Variants in ECHDC1 observed in about 807,000 individuals in gnomAD.
ECHDC1 encodes ethylmalonyl-CoA decarboxylase 1.
Under a neutral mutation model 29.7 loss-of-function variants are expected in ECHDC1, and 29 were observed. The ratio of observed to expected loss-of-function variants is 0.98; its 90% CI spans 0.73 to 1.33. The LOEUF is 1.33. Ranked by LOEUF, ECHDC1 falls within the 40% of genes most tolerant of loss-of-function variation. ECHDC1 has a pLI of 0.00. For synonymous variants in ECHDC1, 126 were observed against 123.1 expected, an observed-to-expected ratio of 1.02 and a Z score of -0.15; for missense variants, 328 against 350.0, an observed-to-expected ratio of 0.94 and a Z score of 0.50.
At chr6:127,334,362 T>G (rs1488817432) in intron 1 of ECHDC1, among the ~76,000 whole-genome samples, 1 of 152,164 alleles carries the variant, frequency 6.6e-6, no homozygotes, top group Non-Finnish European at 1.5e-5. Flanking sequence ...GAGGTCCGTA[T>G]GCAATGGCCC....
intron 3 of ECHDC1, chr6:127,326,710 C>T: frequency 2.7e-6 from 1 of 372,284 alleles, no homozygotes; most frequent in South Asian, 3.2e-5. Context: ...GAGAATCCCA[C>T]CCTCCAAAAT....
chr6:127,314,909 GAAA>G lies in ECHDC1; in HGVS notation c.417-16_417-14del. ...TATTAAAGGAAGTCTGTATATTGAA[GAAA>G]AAACTGATGTTACTATTTTTAATTT... On this transcript the variant is annotated splice_polypyrimidine_tract_variant and intron_variant, in intron 4 of 5. Transcript: ENST00000454859. 6 of 1,603,644 alleles carry G rather than the reference GAAA, an allele frequency of 3.7e-6. No individual in the cohort carries two copies. The highest frequency in any genetic ancestry group is 4.3e-6 in the Non-Finnish European group (5 of 1,172,688).
intron 5 of ECHDC1, among the ~76,000 whole-genome samples, chr6:127,311,941 A>G (rs984217456): frequency 9.9e-5 from 15 of 151,958 alleles, no homozygotes; most frequent in Non-Finnish European, 1.6e-4. Flanking sequence ...ATTGAAAGGT[A>G]TATGGGAGTT....
intron 1 of ECHDC1, 117 bp from the exon 2 acceptor site, chr6:127,331,147 ATTTC>A (rs1253129248): frequency 1.2e-5 from 8 of 676,100 alleles, no homozygotes; most frequent in Non-Finnish European, 1.1e-5. Flanking sequence ...ATACTTCCCC[ATTTC>A]TTTTTTTTTT....
chr6:127,298,153 T>C (rs1043230398), intron 5 of ECHDC1, among the ~76,000 whole-genome samples: 21 of 152,204 alleles, frequency 1.4e-4, no homozygotes, highest in African/African-American at 5.1e-4. Context: ...TGTTAAAAAT[T>C]GTTGGACCTG....
rs1472061142 is a variant in ECHDC1, at chr6:127,330,864, G to T, written c.165C>A (p.Asp55Glu). 6.2e-7 allele frequency: 1 copy of T among 1,614,110 alleles called. No individual in the cohort carries two copies. ...PGGSIDLQKE[D>E]NGIGILTLNN... ...TCAGAGTAAGAATGCCAATGCCATT[G>T]TCTTCCTTCTGAAGGTCAATGGATC... Residue 55 changes from aspartate (D) to glutamate (E), a missense_variant, in exon 2 of 6, where the codon GAC becomes GAA. Coordinates refer to ENST00000454859, the MANE Select transcript of ECHDC1 (RefSeq NM_001002030.2).
intron 5 of ECHDC1, among the ~76,000 whole-genome samples, chr6:127,314,265 T>C (rs559460983): frequency 9.1e-4 from 139 of 152,274 alleles, no homozygotes; most frequent in African/African-American, 3.2e-3. Flanking sequence ...CTATATAATA[T>C]AGCTATCAAA....
chr6:127,329,290 A>G (rs2114675594), intron 2 of ECHDC1, among the ~76,000 whole-genome samples: 1 of 152,286 alleles, frequency 6.6e-6, no homozygotes, highest in Non-Finnish European at 1.5e-5. Context: ...TTGAGTGCTC[A>G]TTCATCCTCT....
chr6:127,330,775 T>C (rs1380463062), intron 2 of ECHDC1, 34 bp downstream of exon 2: 5 of 1,565,074 alleles, frequency 3.2e-6, no homozygotes, highest in Non-Finnish European at 3.5e-6. Context: ...TTAGATTTAG[T>C]GTCATTCTTT....
rs966181360 is a variant in ECHDC1 at position 127,330,862 on chromosome 6, T to C, written c.167A>G (p.Asn56Ser). Residue 56 changes from asparagine (N) to serine (S), a missense_variant, in exon 2 of 6, where the codon AAT (asparagine) becomes AGT (serine). Asn to Ser is a conservative substitution (Grantham distance 46, BLOSUM62 1). Transcript: ENST00000454859. ...GGSIDLQKED[N>S]GIGILTLNNP... is the part of the protein sequence containing the mutation. The stretch of plus-strand genomic sequence containing the variant: ...GTTCAGAGTAAGAATGCCAATGCCA[T>C]TGTCTTCCTTCTGAAGGTCAATGGA... 8 of 1,614,144 alleles carry C rather than the reference T, an allele frequency of 5.0e-6. No homozygotes were observed. The East Asian group carries it at 1.1e-4, about 22-fold the overall frequency.
intron 3 of ECHDC1, among the ~76,000 whole-genome samples, chr6:127,325,096 C>T (rs554512990): frequency 6.6e-6 from 1 of 152,264 alleles, no homozygotes; most frequent in Non-Finnish European, 1.5e-5. Context: ...GATAAGTCAC[C>T]TTGACAGCAT....
At chr6:127,306,014 TAAAA>T (rs773854477) in intron 5 of ECHDC1, among the ~76,000 whole-genome samples, 2 of 124,368 alleles carry the variant, frequency 1.6e-5, no homozygotes, top group Non-Finnish European at 1.7e-5. Context: ...GTTGATAGAT[TAAAA>T]AAAAAAAAAA....
chr6:127,340,160 G>T (rs1784802381), intron 1 of ECHDC1, among the ~76,000 whole-genome samples: 1 of 152,176 alleles, frequency 6.6e-6, no homozygotes, highest in Non-Finnish European at 1.5e-5. Flanking sequence ...TCGTATAAGG[G>T]TCTAGTTAGT....
At chr6:127,334,999 G>C (rs1784308568) in intron 1 of ECHDC1, among the ~76,000 whole-genome samples, 1 of 151,840 alleles carries the variant, frequency 6.6e-6, no homozygotes, top group South Asian at 2.1e-4. Context: ...TTACTTAATA[G>C]TTAATGAGGG....
intron 3 of ECHDC1, among the ~76,000 whole-genome samples, chr6:127,319,769 C>T (rs936453342): frequency 2.0e-5 from 3 of 152,176 alleles, no homozygotes; most frequent in Non-Finnish European, 4.4e-5. Flanking sequence ...TTCATGCTAT[C>T]TGGATGATAC....
chr6:127,311,531 C>G (rs2114607632), intron 5 of ECHDC1, among the ~76,000 whole-genome samples: 1 of 151,526 alleles, frequency 6.6e-6, no homozygotes, highest in African/African-American at 2.4e-5. Context: ...AAAAATTAAC[C>G]AGGCGTGGTG....
chr6:127,316,319 A>T, intron 4 of ECHDC1, 131 bp downstream of exon 4: 2 of 716,830 alleles, frequency 2.8e-6, no homozygotes, highest in Non-Finnish European at 4.6e-6. Context: ...CGGCACAAAA[A>T]AATAGTACAT....
At chr6:127,338,083 G>C (rs1234341854) in intron 1 of ECHDC1, among the ~76,000 whole-genome samples, 12 of 152,130 alleles carry the variant, frequency 7.9e-5, no homozygotes. Flanking sequence ...TTGGCATATG[G>C]ACCATTAAAT....
At chr6:127,316,568 T>G in intron 3 of ECHDC1, 66 bp from the exon 4 acceptor site, 1 of 1,408,342 alleles carries the variant, frequency 7.1e-7, no homozygotes, top group Non-Finnish European at 9.7e-7. Context: ...ATTTTTTAAA[T>G]TAAGGTTTTA....
Sources: gnomAD v4.1 joint callset for allele counts (sites outside exome capture counted in the v4.1 genomes callset) on GRCh38, gnomAD v4.1.1 for gene constraint, MANE v1.5 for transcripts, NCBI Gene and HGNC (gene_info 2026-07-23, HGNC 2026-07-21) for gene names.